Variants in CERS3 observed in about 807,000 individuals in gnomAD.
CERS3 encodes the protein ceramide synthase 3.
A neutral mutation model predicts 50.3 loss-of-function variants in CERS3; 33 were observed. That is an observed-to-expected ratio of 0.66 (90% confidence interval 0.50 to 0.88). The LOEUF (loss-of-function observed/expected upper bound fraction) is 0.88, where lower values mean the gene tolerates loss of function less well. Among genes scored for constraint, CERS3 ranks in the 40% least tolerant of loss-of-function variants. CERS3 has a pLI of 0.00. For missense variants in CERS3, 470 were observed against 460.3 expected (o/e 1.02, Z -0.19); for synonymous variants, 176 against 155.2 (o/e 1.13, Z -0.99).
At chr15:100,499,448 T>C (rs2035932356) in intron 3 of CERS3, among the ~76,000 whole-genome samples, 1 of 152,196 alleles carries the variant, frequency 6.6e-6, no homozygotes, top group African/African-American at 2.4e-5. Context: ...AAAGTAAATG[T>C]CAGTTACTTT....
intron 11 of CERS3, among the ~76,000 whole-genome samples, chr15:100,424,668 T>G (rs1215700336): frequency 6.6e-6 from 1 of 152,228 alleles, no homozygotes; most frequent in Non-Finnish European, 1.5e-5. Flanking sequence ...AGCAATGCGT[T>G]CAAGAAGTGA....
intron 11 of CERS3, among the ~76,000 whole-genome samples, chr15:100,413,461 A>C (rs1274418461): frequency 6.6e-6 from 1 of 152,166 alleles, no homozygotes; most frequent in Non-Finnish European, 1.5e-5. Flanking sequence ...ATAGAAAAGC[A>C]GGCAAAGGAC....
rs73472027 is a variant in CERS3, at chr15:100,456,514, A to C, written c.846-468T>G. ...ACATTTTCCAAATAAAAGAAGCTTT[A>C]ACAAAGCAAAAATTCCATGAGTACT... On this transcript the variant is annotated intron_variant, in intron 10 of 11. Coordinates refer to ENST00000679737, the MANE Select transcript of CERS3 (RefSeq NM_001378789.1). Among the ~76,000 whole-genome samples the C allele has an allele frequency of 4.0e-3, 617 of 152,360 alleles. 9 individuals carry two copies. The highest frequency in any genetic ancestry group is 0.014 in the African/African-American group (591 of 41,592).
chr15:100,456,982 G>A (rs934650879), intron 10 of CERS3, among the ~76,000 whole-genome samples: 2 of 151,590 alleles, frequency 1.3e-5, no homozygotes, highest in African/African-American at 4.8e-5. Context: ...CATATGAAGG[G>A]CTATTTGTTT....
At chr15:100,515,911 C>T (rs1503480) in intron 2 of CERS3, among the ~76,000 whole-genome samples, 10 of 152,176 alleles carry the variant, frequency 6.6e-5, no homozygotes, top group East Asian at 5.8e-4. Flanking sequence ...GCCATCTTCG[C>T]GAACTCTCCT....
intron 11 of CERS3, among the ~76,000 whole-genome samples, chr15:100,445,262 A>C: frequency 8.4e-6 from 1 of 118,770 alleles, no homozygotes; most frequent in East Asian, 2.3e-4. Flanking sequence ...GTCTAGTCGT[A>C]CTCCTATTCA....
rs984262099 is a variant in CERS3 at position 100,476,212 on chromosome 15, G to A, written c.517-34C>T. ...AAGAAGAGTATTCATTACTTTAAATGCCATCATAGAAGCAACTCATTTTAA... is the reference window on the plus strand; with the variant it reads ...AAGAAGAGTATTCATTACTTTAAATACCATCATAGAAGCAACTCATTTTAA... On this transcript the variant is annotated intron_variant, in intron 7 of 11. Transcript: ENST00000679737. 2.8e-6 allele frequency: 4 copies of A among 1,419,432 alleles called. No individual in the cohort carries two copies. The African/African-American group carries it at 4.5e-5, about 16-fold the overall frequency. The allele number at this position is 1,419,432 out of a possible 1,614,324, so 87.9% of individuals were successfully genotyped here. A position where few individuals can be genotyped will look rare whatever the true frequency, so the allele number is the denominator to read the frequency against.
intron 10 of CERS3, among the ~76,000 whole-genome samples, chr15:100,460,054 A>G (rs1234145835): frequency 1.3e-5 from 2 of 152,186 alleles, no homozygotes; most frequent in Non-Finnish European, 2.9e-5. Context: ...TATACAGTCC[A>G]GTATTTTCTT....
intron 1 of CERS3, among the ~76,000 whole-genome samples, chr15:100,527,339 G>C: frequency 6.6e-6 from 1 of 152,176 alleles, no homozygotes; most frequent in Non-Finnish European, 1.5e-5. Context: ...CAGGGTCATA[G>C]TTAGTAAGCA....
chr15:100,440,846 CT>C (rs2033647238), intron 11 of CERS3, among the ~76,000 whole-genome samples: 1 of 152,248 alleles, frequency 6.6e-6, no homozygotes, highest in Non-Finnish European at 1.5e-5. Context: ...ACTTCAATTT[CT>C]CCCTTCTCTT....
intron 2 of CERS3, among the ~76,000 whole-genome samples, chr15:100,507,727 C>T (rs1194931216): frequency 6.6e-6 from 1 of 152,264 alleles, no homozygotes; most frequent in South Asian, 2.1e-4. Flanking sequence ...CATCTGCTGG[C>T]ATTGGCCTGA....
chr15:100,436,460 C>T (rs1018421430), intron 11 of CERS3, among the ~76,000 whole-genome samples: 8 of 152,082 alleles, frequency 5.3e-5, no homozygotes, highest in Non-Finnish European at 8.8e-5. Flanking sequence ...CATCACACAC[C>T]GAGGCCTATC....
At chr15:100,422,748 T>C (rs1171420237) in intron 11 of CERS3, among the ~76,000 whole-genome samples, 31 of 123,036 alleles carry the variant, frequency 2.5e-4, no homozygotes, top group African/African-American at 9.0e-4. Context: ...TGGAATACTA[T>C]GCAGCCATAA....
At chr15:100,473,352 A>G (rs2035028102) in intron 8 of CERS3, among the ~76,000 whole-genome samples, 1 of 152,240 alleles carries the variant, frequency 6.6e-6, no homozygotes, top group South Asian at 2.1e-4. Context: ...GTACACCTAC[A>G]GTTATTGTTT....
intron 2 of CERS3, among the ~76,000 whole-genome samples, chr15:100,507,864 T>C (rs1368145901): frequency 6.6e-6 from 1 of 152,278 alleles, no homozygotes; most frequent in African/African-American, 2.4e-5. Context: ...GAGGAAAAGA[T>C]AGTCGCGGTC....
At chr15:100,440,278 C>T (rs1353091668) in intron 11 of CERS3, among the ~76,000 whole-genome samples, 1 of 152,216 alleles carries the variant, frequency 6.6e-6, no homozygotes, top group African/African-American at 2.4e-5. Context: ...TGAGCCTAAG[C>T]TAAGCCATCA....
intron 11 of CERS3, among the ~76,000 whole-genome samples, chr15:100,403,585 A>G (rs2142039000): frequency 6.6e-6 from 1 of 152,334 alleles, no homozygotes; most frequent in Admixed American, 6.5e-5. Flanking sequence ...TGCAGACAAT[A>G]TAAGAATAAC....
intron 3 of CERS3, among the ~76,000 whole-genome samples, chr15:100,492,859 T>C (rs892542328): frequency 6.6e-6 from 1 of 152,188 alleles, no homozygotes; most frequent in Non-Finnish European, 1.5e-5. Flanking sequence ...TTTACTATTT[T>C]AAAAGTTATT....
rs1272023030 is a variant in CERS3, at chr15:100,501,868, G to A, written c.-1-18C>T. ...AAAACATTCTAGAGAAATGGAAACA[G>A]ACATTAGGCTTGTAAAACAAACACG... On this transcript the variant is annotated intron_variant, in intron 2 of 11. Transcript: ENST00000679737. 1 of 1,612,128 alleles carries A rather than the reference G, an allele frequency of 6.2e-7. No homozygotes were observed. Among genetic ancestry groups the A allele is most frequent in the Non-Finnish European group, 8.5e-7 (1 of 1,178,868 alleles).
Sources: gnomAD v4.1 joint callset for allele counts (sites outside exome capture counted in the v4.1 genomes callset) on GRCh38, gnomAD v4.1.1 for gene constraint, MANE v1.5 for transcripts, NCBI Gene and HGNC (gene_info 2026-07-23, HGNC 2026-07-21) for gene names.